RASAL2: variants seen among roughly 807,000 people sequenced by gnomAD.
RASAL2 encodes the protein ras GTPase-activating protein nGAP.
Under a neutral mutation model 128.9 loss-of-function variants are expected in RASAL2, and 58 were observed. The ratio of observed to expected loss-of-function variants is 0.45; its 90% CI spans 0.36 to 0.56. The LOEUF is 0.56. Among genes scored for constraint, RASAL2 ranks in the 20% least tolerant of loss-of-function variants. The probability of loss-of-function intolerance (pLI) is 0.00; values close to 1 mark genes in which losing one functional copy is unlikely to be tolerated. For synonymous variants in RASAL2, 561 were observed against 580.8 expected, an observed-to-expected ratio of 0.97 and a Z score of 0.49; for missense variants, 1,360 against 1,601.6, an observed-to-expected ratio of 0.85 and a Z score of 2.57.
At chr1:178,317,947 T>C (rs1208302636) in intron 3 of RASAL2, among the ~76,000 whole-genome samples, 1 of 151,530 alleles carries the variant, frequency 6.6e-6, no homozygotes, top group Non-Finnish European at 1.5e-5. Flanking sequence ...TAAATTTCCC[T>C]CTACACACTG....
At chr1:178,229,579 A>G (rs1663921604) in intron 1 of RASAL2, among the ~76,000 whole-genome samples, 2 of 151,928 alleles carry the variant, frequency 1.3e-5, no homozygotes, top group African/African-American at 4.8e-5. Context: ...ATGATGTTGT[A>G]TCCCTCACTG....
intron 1 of RASAL2, among the ~76,000 whole-genome samples, chr1:178,119,252 G>C (rs1056940129): frequency 6.6e-6 from 1 of 152,126 alleles, no homozygotes; most frequent in African/African-American, 2.4e-5. Flanking sequence ...TCTCTGGAGT[G>C]GTTCTTATAA....
At chr1:178,216,271 T>G (rs1036408154) in intron 1 of RASAL2, among the ~76,000 whole-genome samples, 8 of 152,220 alleles carry the variant, frequency 5.3e-5, no homozygotes, top group Non-Finnish European at 1.2e-4. Context: ...TTTGTGAGAT[T>G]TTAAAAAAGG....
At chr1:178,135,658 AT>A (rs1393992755) in intron 1 of RASAL2, among the ~76,000 whole-genome samples, 7 of 152,140 alleles carry the variant, frequency 4.6e-5, no homozygotes, top group Non-Finnish European at 1.0e-4. Context: ...GTATTAGTCC[AT>A]TTTCATGCTG....
At chr1:178,137,616 C>T (rs1459158494) in intron 1 of RASAL2, among the ~76,000 whole-genome samples, 2 of 152,112 alleles carry the variant, frequency 1.3e-5, no homozygotes, top group Non-Finnish European at 2.9e-5. Flanking sequence ...ATATTGGGCA[C>T]TAATTTATTA....
chr1:178,225,849 GCTTT>G (rs1413281136), intron 1 of RASAL2, among the ~76,000 whole-genome samples: 3 of 151,704 alleles, frequency 2.0e-5, no homozygotes, highest in Admixed American at 6.6e-5. Flanking sequence ...TTTTTATTGT[GCTTT>G]CTTTATGTGC....
intron 1 of RASAL2, among the ~76,000 whole-genome samples, chr1:178,212,946 A>T (rs375331342): frequency 3.7e-4 from 56 of 152,238 alleles, no homozygotes; most frequent in African/African-American, 1.3e-3. Context: ...TACTTTCCTG[A>T]CCTTTGAAAG....
chr1:178,118,633 C>T (rs531016865), intron 1 of RASAL2, among the ~76,000 whole-genome samples: 7 of 152,276 alleles, frequency 4.6e-5, no homozygotes, highest in South Asian at 2.1e-4. Flanking sequence ...TAGGTGATCA[C>T]GCACCAGCTG....
chr1:178,310,797 T>A (rs1668209103), intron 3 of RASAL2, among the ~76,000 whole-genome samples: 1 of 152,212 alleles, frequency 6.6e-6, no homozygotes, highest in Admixed American at 6.5e-5. Flanking sequence ...TTGTTATCGC[T>A]GATTTGTAGC....
At chr1:178,253,046 T>A (rs1665128725) in intron 1 of RASAL2, among the ~76,000 whole-genome samples, 2 of 152,182 alleles carry the variant, frequency 1.3e-5, no homozygotes, top group Admixed American at 6.5e-5. Flanking sequence ...TTCAGGAGGC[T>A]AGAAGCTTAA....
intron 1 of RASAL2, among the ~76,000 whole-genome samples, chr1:178,229,543 A>AT (rs146103521): frequency 1.3e-4 from 20 of 150,802 alleles, no homozygotes; most frequent in South Asian, 2.1e-4. Context: ...TAGGCTATGC[A>AT]TTTTTTTTGC....
chr1:178,270,155 A>G (rs2102168429), intron 1 of RASAL2, among the ~76,000 whole-genome samples: 1 of 152,014 alleles, frequency 6.6e-6, no homozygotes, highest in Non-Finnish European at 1.5e-5. Flanking sequence ...CTTATTCCTG[A>G]TGTTTTATAC....
intron 1 of RASAL2, among the ~76,000 whole-genome samples, chr1:178,245,027 C>T (rs1664706565): frequency 6.6e-6 from 1 of 152,124 alleles, no homozygotes; most frequent in Admixed American, 6.5e-5. Flanking sequence ...AATAGTGCTG[C>T]AATAAACATA....
intron 5 of RASAL2, among the ~76,000 whole-genome samples, chr1:178,430,309 G>A (rs1311857427): frequency 6.6e-6 from 1 of 152,046 alleles, no homozygotes; most frequent in Non-Finnish European, 1.5e-5. Context: ...CAGATTTACA[G>A]CCATGGGCCA....
chr1:178,111,990 A>C (rs1490899336), intron 1 of RASAL2, among the ~76,000 whole-genome samples: 4 of 152,030 alleles, frequency 2.6e-5, no homozygotes, highest in Non-Finnish European at 5.9e-5. Context: ...CCACCTCCCA[A>C]AGTGCTGGAA....
intron 2 of RASAL2, among the ~76,000 whole-genome samples, chr1:178,293,863 C>T (rs1297295420): frequency 6.6e-6 from 1 of 152,190 alleles, no homozygotes; most frequent in East Asian, 1.9e-4. Context: ...GTACCTTGAC[C>T]TTCCCTTAGG....
At chr1:178,237,465 T>G (rs890675566) in intron 1 of RASAL2, among the ~76,000 whole-genome samples, 1 of 152,148 alleles carries the variant, frequency 6.6e-6, no homozygotes, top group Non-Finnish European at 1.5e-5. Context: ...ATGAGAATGT[T>G]GAGACTAGCA....
intron 1 of RASAL2, among the ~76,000 whole-genome samples, chr1:178,151,499 G>A (rs1660914096): frequency 6.6e-6 from 1 of 152,194 alleles, no homozygotes; most frequent in African/African-American, 2.4e-5. Context: ...TGTGACCAGA[G>A]GCTTACAGGA....
At chr1:178,408,976 A>G (rs1674178612) in intron 4 of RASAL2, among the ~76,000 whole-genome samples, 1 of 151,990 alleles carries the variant, frequency 6.6e-6, no homozygotes, top group South Asian at 2.1e-4. Flanking sequence ...ATGAAGAGAG[A>G]GGTTTGACTC....
Sources: allele counts gnomAD v4.1 joint callset (sites outside exome capture counted in the v4.1 genomes callset), GRCh38; gene constraint gnomAD v4.1.1; transcripts MANE v1.5; gene names NCBI Gene and HGNC (gene_info 2026-07-23, HGNC 2026-07-21).